PCDHGA12: variants seen among roughly 807,000 people sequenced by gnomAD.
The protein encoded by PCDHGA12 is protocadherin gamma-A12.
Under a neutral mutation model 61.1 loss-of-function variants are expected in PCDHGA12, and 43 were observed. That is an observed-to-expected ratio of 0.70 (90% CI 0.55 to 0.91). The LOEUF (loss-of-function observed/expected upper bound fraction) is 0.91. Ranked by LOEUF, PCDHGA12 falls within the 40% of genes least tolerant of loss-of-function variation. The pLI is 0.00. For synonymous variants in PCDHGA12, 520 were observed against 542.9 expected (o/e 0.96, Z 0.59); for missense variants, 1,236 against 1,227.7 (o/e 1.01, Z -0.10).
At chr5:141,433,935 T>G (rs2097665519) in intron 1 of PCDHGA12, among the ~76,000 whole-genome samples, 2 of 152,150 alleles carry the variant, frequency 1.3e-5, no homozygotes, top group African/African-American at 2.4e-5. Context: ...GATTTTATAA[T>G]TCCATTGTTT....
At chr5:141,488,239 G>A (rs576918071) in intron 1 of PCDHGA12, among the ~76,000 whole-genome samples, 3 of 152,222 alleles carry the variant, frequency 2.0e-5, no homozygotes, top group South Asian at 4.1e-4. Context: ...AACTAGATGC[G>A]GTAAATTGGA....
intron 1 of PCDHGA12, among the ~76,000 whole-genome samples, chr5:141,456,877 C>T (rs910777736): frequency 2.0e-5 from 3 of 152,202 alleles, no homozygotes; most frequent in South Asian, 2.1e-4. Context: ...GCAGGAGAAT[C>T]GCTTGAACCC....
chr5:141,432,413 G>T lies in PCDHGA12; in HGVS notation c.1654G>T (p.Val552Leu), dbSNP rs369816901. Residue 552 changes from valine to leucine, a missense_variant, in exon 1 of 4, where the codon GTG (valine) becomes TTG (leucine). By Grantham distance (32) the Val-to-Leu change is conservative (BLOSUM62 1). Transcript: ENST00000252085. This position sits in a 1 kb window ranked among gnomAD's most constrained non-coding sequence, Gnocchi z 6.0. ...LSSNVSLSLFVLDQNDNAPEI... is the reference protein window; with the variant it reads ...LSSNVSLSLFLLDQNDNAPEI... ...CAGCAACGTGTCGTTGAGCCTGTTCGTGCTGGACCAGAACGACAATGCGCC... is the reference window on the plus strand; with the variant it reads ...CAGCAACGTGTCGTTGAGCCTGTTCTTGCTGGACCAGAACGACAATGCGCC... The T allele has an allele frequency of 6.2e-7, 1 of 1,614,232 alleles. No homozygotes were observed.
chr5:141,474,369 G>C (rs1424130168), intron 1 of PCDHGA12, among the ~76,000 whole-genome samples: 1 of 152,184 alleles, frequency 6.6e-6, no homozygotes, highest in Non-Finnish European at 1.5e-5. Flanking sequence ...AGTAGGTCTA[G>C]AGGAGGGCAT....
intron 1 of PCDHGA12, among the ~76,000 whole-genome samples, chr5:141,458,695 G>A (rs551105765): frequency 2.0e-5 from 3 of 151,852 alleles, no homozygotes; most frequent in Non-Finnish European, 2.9e-5. Context: ...TCAGCCTCCC[G>A]AGTAGCTGGG....
Position 141,489,434 on chromosome 5 carries a change from A to G in PCDHGA12, c.2425-5373A>G. On this transcript the variant is annotated intron_variant, in intron 1 of 3. Transcript: ENST00000252085. This position sits in a 1 kb window ranked among gnomAD's most constrained non-coding sequence, Gnocchi z 4.5. ...ACAGATCTGTTGAGCCGGCGGCTGC[A>G]ATTGGGCTCTGAGGAGAATGGGCGC... 6.2e-7 allele frequency: 1 copy of G among 1,614,138 alleles called. No individual in the cohort carries two copies. The highest frequency in any genetic ancestry group is 8.5e-7 in the Non-Finnish European group (1 of 1,180,044).
chr5:141,481,736 G>A (rs569415213), intron 1 of PCDHGA12, among the ~76,000 whole-genome samples: 23 of 151,934 alleles, frequency 1.5e-4, no homozygotes, highest in African/African-American at 4.3e-4. Flanking sequence ...GGCGGATCAC[G>A]AGGTCAGGAG....
chr5:141,447,681 C>T (rs2098548531), intron 1 of PCDHGA12, among the ~76,000 whole-genome samples: 1 of 152,066 alleles, frequency 6.6e-6, no homozygotes, highest in African/African-American at 2.4e-5. Flanking sequence ...TGTTCCATAT[C>T]TTGATAGAGG....
At chr5:141,481,649 C>G (rs1199734660) in intron 1 of PCDHGA12, among the ~76,000 whole-genome samples, 1 of 152,012 alleles carries the variant, frequency 6.6e-6, no homozygotes, top group African/African-American at 2.4e-5. Flanking sequence ...GAAACTTCAT[C>G]TCTACTAATA....
At chr5:141,461,989 A>G (rs2099028358) in intron 1 of PCDHGA12, among the ~76,000 whole-genome samples, 1 of 152,074 alleles carries the variant, frequency 6.6e-6, no homozygotes, top group African/African-American at 2.4e-5. Flanking sequence ...ACGCCAGGCT[A>G]ATTTTGTATT....
chr5:141,445,584 G>A lies in PCDHGA12; in HGVS notation c.2424+12401G>A, dbSNP rs540956709. ...AGAAAGCTTATAGTAGGGAAGCTTC[G>A]CCTAATCTGAAGGTCAAGGAAGGCT... On this transcript the variant is annotated intron_variant, in intron 1 of 3. Transcript: ENST00000252085. Among the ~76,000 whole-genome samples, 116 of 152,286 alleles carry A rather than the reference G, an allele frequency of 7.6e-4. 2 individuals are homozygous for A. Among genetic ancestry groups the A allele is most frequent in the Non-Finnish European group, 2.4e-4 (16 of 68,024 alleles).
chr5:141,442,298 G>A (rs934210433), intron 1 of PCDHGA12: 2 of 152,564 alleles, frequency 1.3e-5, no homozygotes, highest in African/African-American at 4.8e-5. Flanking sequence ...TCCTGTCTGA[G>A]TCTTTCCCAC....
chr5:141,444,467 G>A (rs1288596542), intron 1 of PCDHGA12, among the ~76,000 whole-genome samples: 3 of 151,998 alleles, frequency 2.0e-5, no homozygotes, highest in African/African-American at 4.8e-5. Flanking sequence ...CACTGCGCCC[G>A]GTCGCGTACT....
intron 1 of PCDHGA12, among the ~76,000 whole-genome samples, chr5:141,465,538 A>AT (rs2099105284): frequency 6.6e-6 from 1 of 152,112 alleles, no homozygotes; most frequent in Non-Finnish European, 1.5e-5. Context: ...TTTCCCAGGC[A>AT]TTTTTTCTGC....
chr5:141,486,287 A>G lies in PCDHGA12; in HGVS notation c.2425-8520A>G, dbSNP rs1484787777. Reference sequence around the variant, plus strand: ...AGAACCTGGCACTGTGGTGGCACTTATCAGTGTGCAGGATCCAGACTCAGG... The same window carrying G: ...AGAACCTGGCACTGTGGTGGCACTTGTCAGTGTGCAGGATCCAGACTCAGG... On this transcript the variant is annotated intron_variant, in intron 1 of 3. Transcript: ENST00000252085. The surrounding 1 kb of genome is among the most constrained non-coding windows in gnomAD (Gnocchi z 5.0). 1 of 1,613,912 alleles carries G rather than the reference A, an allele frequency of 6.2e-7. No homozygotes were observed. The highest frequency in any genetic ancestry group is 8.5e-7 in the Non-Finnish European group (1 of 1,179,970).
chr5:141,497,892 C>T (rs2099780275), intron 2 of PCDHGA12, among the ~76,000 whole-genome samples: 1 of 152,138 alleles, frequency 6.6e-6, no homozygotes, highest in Admixed American at 6.6e-5. Flanking sequence ...AGGATCTAGT[C>T]CAGTAACTTC....
At chr5:141,498,919 C>A (rs897611505) in intron 2 of PCDHGA12, among the ~76,000 whole-genome samples, 1 of 122,240 alleles carries the variant, frequency 8.2e-6, no homozygotes. Context: ...GGTGACAGAG[C>A]GAGACTCCAT....
At position 141,491,039 on chromosome 5, in the gene PCDHGA12, G is replaced by T; in HGVS notation, c.2425-3768G>T. 1 of 1,614,180 alleles carries T rather than the reference G, an allele frequency of 6.2e-7. No individual in the cohort carries two copies. The highest frequency in any genetic ancestry group is 1.1e-5 in the South Asian group (1 of 91,090). ...GTGACAGCCGTGGATGCTGATGCAGGCCACAATGCGTGGCTCTCCTACTCA... is the reference window on the plus strand; with the variant it reads ...GTGACAGCCGTGGATGCTGATGCAGTCCACAATGCGTGGCTCTCCTACTCA... On this transcript the variant is annotated intron_variant, in intron 1 of 3. Transcript: ENST00000252085. The surrounding 1 kb of genome is among the most constrained non-coding windows in gnomAD (Gnocchi z 6.9).
At chr5:141,443,952 A>T (rs1355073040) in intron 1 of PCDHGA12, among the ~76,000 whole-genome samples, 4 of 152,134 alleles carry the variant, frequency 2.6e-5, no homozygotes, top group Non-Finnish European at 4.4e-5. Context: ...CCTTATTGGT[A>T]TGTATTCTGT....
Sources: gnomAD v4.1 joint callset for allele counts (sites outside exome capture counted in the v4.1 genomes callset) on GRCh38, gnomAD v4.1.1 for gene constraint, Gnocchi (gnomAD v3.1) non-coding constraint, MANE v1.5 for transcripts, NCBI Gene and HGNC (gene_info 2026-07-23, HGNC 2026-07-21) for gene names.